Variants in MYLK observed in about 807,000 individuals in gnomAD.
MYLK encodes the protein myosin light chain kinase, smooth muscle.
Under a neutral mutation model 203.4 loss-of-function variants are expected in MYLK, and 106 were observed. The observed-to-expected ratio is 0.52, with a 90% CI of 0.45 to 0.61. MYLK has a LOEUF of 0.61. MYLK is among the 20% of genes least tolerant of loss of function. MYLK has a pLI of 0.00. For missense variants in MYLK, 2,072 were observed against 2,442.3 expected, an observed-to-expected ratio of 0.85 and a Z score of 3.20; for synonymous variants, 867 against 959.5, an observed-to-expected ratio of 0.90 and a Z score of 1.78.
At chr3:123,616,950 A>AATT (rs2057532428) in intron 33 of MYLK, 1 of 152,154 alleles carries the variant, frequency 6.6e-6, no homozygotes, top group African/African-American at 2.4e-5. Flanking sequence ...CCAGAATAAA[A>AATT]ATTATACATA....
At chr3:123,793,946 G>A (rs1179211148) in intron 3 of MYLK, 102 bp from the exon 4 acceptor site, 28 of 1,311,980 alleles carry the variant, frequency 2.1e-5, no homozygotes, top group South Asian at 7.4e-5. Context: ...TGGCTTTTAC[G>A]TGGAGCAGAT....
At position 123,699,081 on chromosome 3, in the gene MYLK, C is replaced by G. The variant is rs377118000; in HGVS notation, c.3448+939G>C. 12 of 152,256 alleles carry G rather than the reference C, an allele frequency of 7.9e-5. 1 individual carries two copies. Among genetic ancestry groups the G allele is most frequent in the Admixed American group, 3.9e-4 (6 of 15,286 alleles). 9.4% of individuals were successfully genotyped at this position (152,256 alleles called of 1,614,324 possible). A position where few individuals can be genotyped will look rare whatever the true frequency, so the allele number is the denominator to read the frequency against. On this transcript the variant is annotated intron_variant, in intron 18 of 33. Transcript: ENST00000360304. Reference sequence around the variant, plus strand: ...TGTACCCTACCCTGTCTGGAGCCACCAGCATCAGCTCAGGCAGGACTCTGT... The same window carrying G: ...TGTACCCTACCCTGTCTGGAGCCACGAGCATCAGCTCAGGCAGGACTCTGT...
At chr3:123,731,202 T>C (rs58113490) in intron 11 of MYLK, among the ~76,000 whole-genome samples, 11,042 of 152,198 alleles carry the variant, frequency 0.073, 1,282 homozygotes, top group African/African-American at 0.25. Context: ...CACCTGCAAA[T>C]GGCATGGATA....
intron 4 of MYLK, among the ~76,000 whole-genome samples, chr3:123,761,674 A>C (rs1463391): frequency 9.9e-5 from 15 of 152,202 alleles, no homozygotes; most frequent in African/African-American, 3.6e-4. Context: ...TTGTTTCTCA[A>C]GCAATGTCAG....
At chr3:123,704,747 C>CAAAAAAAAAAA (rs5852352) in intron 16 of MYLK, among the ~76,000 whole-genome samples, 14 of 87,676 alleles carry the variant, frequency 1.6e-4, no homozygotes, top group East Asian at 3.1e-4. Flanking sequence ...ACTAAAAATA[C>CAAAAAAAAAAA]AAAAAAAAAA....
intron 2 of MYLK, among the ~76,000 whole-genome samples, chr3:123,856,384 C>T (rs376181143): frequency 2.5e-4 from 38 of 152,326 alleles, no homozygotes; most frequent in African/African-American, 8.2e-4. Context: ...AATCTCAATG[C>T]TAACCACCTA....
At chr3:123,724,489 T>C (rs1284063069) in intron 12 of MYLK, among the ~76,000 whole-genome samples, 3 of 152,150 alleles carry the variant, frequency 2.0e-5, no homozygotes, top group South Asian at 2.1e-4. Flanking sequence ...CTGGATCCAA[T>C]AGGACTTCTG....
At chr3:123,766,915 A>G (rs1012127384) in intron 4 of MYLK, among the ~76,000 whole-genome samples, 5 of 152,190 alleles carry the variant, frequency 3.3e-5, no homozygotes, top group Non-Finnish European at 5.9e-5. Context: ...TTCTCTGGGT[A>G]TTTGTTGGTG....
chr3:123,749,170 T>C (rs1414899147), intron 5 of MYLK, among the ~76,000 whole-genome samples: 1 of 151,730 alleles, frequency 6.6e-6, no homozygotes, highest in African/African-American at 2.4e-5. Context: ...TCCCAGCTAC[T>C]TGGGAGGCTG....
chr3:123,645,178 C>T (rs1012385886), intron 27 of MYLK, among the ~76,000 whole-genome samples: 7 of 152,164 alleles, frequency 4.6e-5, no homozygotes, highest in Non-Finnish European at 1.5e-5. Context: ...AATCCCACAG[C>T]GTTCATGAGG....
intron 3 of MYLK, among the ~76,000 whole-genome samples, chr3:123,795,927 T>G (rs1020142187): frequency 6.6e-6 from 1 of 152,172 alleles, no homozygotes; most frequent in African/African-American, 2.4e-5. Flanking sequence ...TTTAATAATC[T>G]CTAACAAAAA....
chr3:123,696,977 C>G lies in MYLK; in HGVS notation c.3448+3043G>C, dbSNP rs563104842. On this transcript the variant is annotated intron_variant, in intron 18 of 33. Transcript: ENST00000360304. Reference sequence around the variant, plus strand: ...GCCCCCGCCTGGAAGCCCGTCCCCTCTGGCCTGTCTTCGGGGCTTAGATCA... The same window carrying G: ...GCCCCCGCCTGGAAGCCCGTCCCCTGTGGCCTGTCTTCGGGGCTTAGATCA... Among the ~76,000 whole-genome samples, 4 of 152,398 alleles carry G rather than the reference C, an allele frequency of 2.6e-5. No homozygotes were observed. The East Asian group carries it at 5.8e-4, about 22-fold the overall frequency.
At chr3:123,762,997 C>T (rs767292773) in intron 4 of MYLK, among the ~76,000 whole-genome samples, 4 of 152,314 alleles carry the variant, frequency 2.6e-5, no homozygotes, top group African/African-American at 7.2e-5. Context: ...ACTTTAAGCT[C>T]TCAAATCTGC....
chr3:123,810,238 C>T (rs1292344014), intron 3 of MYLK, among the ~76,000 whole-genome samples: 2 of 152,178 alleles, frequency 1.3e-5, no homozygotes, highest in African/African-American at 2.4e-5. Flanking sequence ...AGGCCCCTCC[C>T]CCAGACCTCA....
Position 123,850,697 on chromosome 3 carries a change from C to T in MYLK, c.-126-19027G>A, listed in dbSNP as rs1360973478. Among the ~76,000 whole-genome samples, 13 of 152,250 alleles carry T rather than the reference C, an allele frequency of 8.5e-5. No individual in the cohort carries two copies. The East Asian group carries it at 2.3e-3, about 27-fold the overall frequency. ...AATTTTCTCCCATTCTGTAGATTGC[C>T]TGTTCACTCTGATGGTAGTTTCTTT... On this transcript the variant is annotated intron_variant, in intron 2 of 33. Coordinates refer to ENST00000360304, the MANE Select transcript of MYLK (RefSeq NM_053025.4).
intron 2 of MYLK, among the ~76,000 whole-genome samples, chr3:123,841,164 C>T (rs1009864287): frequency 6.6e-6 from 1 of 152,094 alleles, no homozygotes; most frequent in Admixed American, 6.5e-5. Flanking sequence ...GTGGTAGATT[C>T]TTAAAACCAC....
At chr3:123,624,327 T>TAA (rs71625741) in intron 31 of MYLK, 8,883 of 141,244 alleles carry the variant, frequency 0.063, 365 homozygotes, top group East Asian at 0.23. Context: ...CCTGTCTCTT[T>TAA]AAAAAAAAAA....
rs555177658 is a variant in MYLK, at chr3:123,853,395, A to G, written c.-126-21725T>C. Among the ~76,000 whole-genome samples, 1,073 of 152,230 alleles carry G rather than the reference A, an allele frequency of 7.0e-3. 9 individuals carry two copies. The highest frequency in any genetic ancestry group is 0.014 in the Middle Eastern group (4 of 294). ...GGAGAACCAAGATACTAGAGAATGG[A>G]GTCAAGAGCCTTGGAGAACAACAAA... On this transcript the variant is annotated intron_variant, in intron 2 of 33. Transcript: ENST00000360304.
rs956251380 is a variant in MYLK at position 123,640,800 on chromosome 3, T to A, written c.4620-296A>T. Among the ~76,000 whole-genome samples the A allele has an allele frequency of 6.6e-6, 1 of 152,184 alleles. No homozygotes were observed. The highest frequency in any genetic ancestry group is 2.4e-5 in the African/African-American group (1 of 41,462). ...ACACAGAGATCCAGACATGATCTTCTTAGCAAAAAGAGTGACCTCTAAACA... is the reference window on the plus strand; with the variant it reads ...ACACAGAGATCCAGACATGATCTTCATAGCAAAAAGAGTGACCTCTAAACA... On this transcript the variant is annotated intron_variant, in intron 27 of 33. Coordinates refer to ENST00000360304, the MANE Select transcript of MYLK (RefSeq NM_053025.4). This position sits in a 1 kb window ranked among gnomAD's most constrained non-coding sequence, Gnocchi z 4.3.
Sources: gnomAD v4.1 joint callset for allele counts (sites outside exome capture counted in the v4.1 genomes callset) on GRCh38, gnomAD v4.1.1 for gene constraint, Gnocchi (gnomAD v3.1) non-coding constraint, MANE v1.5 for transcripts, NCBI Gene and HGNC (gene_info 2026-07-23, HGNC 2026-07-21) for gene names.